The following RNF216 variants were observed in gnomAD, a reference collection of about 807,000 sequenced individuals.
RNF216 encodes E3 ubiquitin-protein ligase RNF216.
Under a neutral mutation model 110.8 loss-of-function variants are expected in RNF216, and 72 were observed. That is an observed-to-expected ratio of 0.65 (90% confidence interval 0.54 to 0.79). RNF216 has a LOEUF of 0.79. Among genes scored for constraint, RNF216 ranks in the 30% least tolerant of loss-of-function variants. The pLI is 0.00. For synonymous variants in RNF216, 495 were observed against 407.5 expected (o/e 1.21, Z -2.59); for missense variants, 1,342 against 1,141.2 (o/e 1.18, Z -2.54).
At chr7:5,727,597 T>C (rs1584522510) in intron 7 of RNF216, among the ~76,000 whole-genome samples, 1 of 152,124 alleles carries the variant, frequency 6.6e-6, no homozygotes, top group Non-Finnish European at 1.5e-5. Context: ...CCAGGTGTGG[T>C]GGCGTGCACC....
chr7:5,772,991 G>T (rs1016996848), intron 1 of RNF216, among the ~76,000 whole-genome samples: 4 of 152,030 alleles, frequency 2.6e-5, no homozygotes, highest in Non-Finnish European at 5.9e-5. Flanking sequence ...TGTTGGCCAG[G>T]CTAGTCTCGA....
In RNF216 at chr7:5,739,457, A is replaced by G. The variant is rs1794625443; in HGVS notation, c.1045-105T>C. ...GTATAATAAAATGACTAAAGACTAG[A>G]AAAGGGCTGTGAAGCAGGTCTGTGT... On this transcript the variant is annotated intron_variant, in intron 4 of 16. Coordinates refer to ENST00000389902, the MANE Select transcript of RNF216 (RefSeq NM_207111.4). 5 of 1,134,866 alleles carry G rather than the reference A, an allele frequency of 4.4e-6. 1 individual carries two copies. The highest frequency in any genetic ancestry group is 2.6e-5 in the South Asian group (2 of 77,084). 70.3% of individuals were successfully genotyped at this position (1,134,866 alleles called of 1,614,324 possible). A position where few individuals can be genotyped will look rare whatever the true frequency, so the allele number is the denominator to read the frequency against.
intron 13 of RNF216, among the ~76,000 whole-genome samples, chr7:5,671,990 G>C (rs892825949): frequency 6.6e-6 from 1 of 152,140 alleles, no homozygotes; most frequent in Non-Finnish European, 1.5e-5. Flanking sequence ...AAAACTGACA[G>C]CATATATAAG....
intron 15 of RNF216, among the ~76,000 whole-genome samples, chr7:5,637,548 T>C (rs989478983): frequency 1.3e-4 from 20 of 152,312 alleles, no homozygotes; most frequent in African/African-American, 4.6e-4. Flanking sequence ...GGATTATACA[T>C]TTCTTTCCCT....
intron 16 of RNF216, among the ~76,000 whole-genome samples, chr7:5,623,460 A>C (rs1430465163): frequency 6.7e-6 from 1 of 148,864 alleles, no homozygotes; most frequent in Non-Finnish European, 1.5e-5. Context: ...TCAGTGACTC[A>C]GTTACTTTTT....
At chr7:5,623,201 G>A in intron 16 of RNF216, 22 bp from the exon 17 acceptor site, 1 of 1,528,428 alleles carries the variant, frequency 6.5e-7, no homozygotes, top group East Asian at 2.3e-5. Flanking sequence ...GTGGGGATTA[G>A]TGGAGAAAAA....
At chr7:5,646,283 C>T (rs1053377933) in intron 14 of RNF216, among the ~76,000 whole-genome samples, 2 of 151,998 alleles carry the variant, frequency 1.3e-5, no homozygotes, top group African/African-American at 4.8e-5. Context: ...GCATGAGAAT[C>T]GCTTGGGCCC....
intron 9 of RNF216, among the ~76,000 whole-genome samples, chr7:5,718,098 G>T (rs972002733): frequency 6.6e-6 from 1 of 152,160 alleles, no homozygotes; most frequent in East Asian, 1.9e-4. Context: ...ACAAAGCAGG[G>T]GGCCAGGTGC....
At chr7:5,771,100 C>G (rs1397404112) in intron 1 of RNF216, among the ~76,000 whole-genome samples, 1 of 152,190 alleles carries the variant, frequency 6.6e-6, no homozygotes, top group Non-Finnish European at 1.5e-5. Flanking sequence ...GCCACCACAC[C>G]TGGCCCCAGA....
At chr7:5,774,018 TC>T (rs1796641570) in intron 1 of RNF216, among the ~76,000 whole-genome samples, 1 of 152,202 alleles carries the variant, frequency 6.6e-6, no homozygotes, top group Non-Finnish European at 1.5e-5. Flanking sequence ...TTCAAAAAAT[TC>T]CTCATGAGTG....
chr7:5,649,848 C>T (rs961748276), intron 14 of RNF216: 2 of 152,196 alleles, frequency 1.3e-5, no homozygotes, highest in Non-Finnish European at 1.5e-5. Context: ...GAACAAACAG[C>T]CCCTGGCAAC....
At chr7:5,655,153 ACCAGGGCAAAATGACCTGG>A (rs1184697545) in intron 13 of RNF216, among the ~76,000 whole-genome samples, 1 of 152,222 alleles carries the variant, frequency 6.6e-6, no homozygotes, top group African/African-American at 2.4e-5. Context: ...GCACAGGCCC[ACCAGGGCAAAATGACCTGG>A]CCAGGCTGGA....
intron 13 of RNF216, among the ~76,000 whole-genome samples, chr7:5,679,588 G>A (rs1562383438): frequency 6.6e-6 from 1 of 152,242 alleles, no homozygotes; most frequent in Non-Finnish European, 1.5e-5. Flanking sequence ...ATCACCAGAT[G>A]TGCAATTATT....
chr7:5,708,044 T>C (rs773538076), intron 13 of RNF216, among the ~76,000 whole-genome samples: 5 of 152,206 alleles, frequency 3.3e-5, no homozygotes, highest in East Asian at 1.9e-4. Context: ...TTAGTTCTCA[T>C]ACTTTGTGAA....
chr7:5,667,746 T>A (rs1416305010), intron 13 of RNF216, among the ~76,000 whole-genome samples: 2 of 152,240 alleles, frequency 1.3e-5, no homozygotes, highest in African/African-American at 4.8e-5. Context: ...ACTGTCAGCA[T>A]GCCCTGGAAG....
intron 1 of RNF216, among the ~76,000 whole-genome samples, chr7:5,771,223 G>C (rs1054853273): frequency 1.3e-5 from 2 of 152,088 alleles, no homozygotes; most frequent in Non-Finnish European, 2.9e-5. Flanking sequence ...TGGGAGTAGG[G>C]GGTAACAACC....
At chr7:5,721,300 T>A in intron 8 of RNF216, 128 bp from the exon 9 acceptor site, 1 of 819,018 alleles carries the variant, frequency 1.2e-6, no homozygotes, top group East Asian at 2.6e-5. Flanking sequence ...GACTTTTCTA[T>A]CACATTCTAC....
Position 5,736,325 on chromosome 7 carries a change from T to C in RNF216, c.1121+2951A>G, listed in dbSNP as rs559990819. Among the ~76,000 whole-genome samples the C allele has an allele frequency of 4.6e-5, 7 of 152,340 alleles. No individual in the cohort carries two copies. In the East Asian group the frequency reaches 5.8e-4, roughly 13 times the overall value. On this transcript the variant is annotated intron_variant, in intron 5 of 16. Transcript: ENST00000389902. The stretch of plus-strand genomic sequence containing the variant: ...TTGGTGGAGATGGGGTTTCGCTGTG[T>C]TGGCCGGGCTGGTCTCCAGCTCCTA...
intron 5 of RNF216, among the ~76,000 whole-genome samples, chr7:5,731,264 C>A (rs561781865): frequency 2.6e-5 from 4 of 152,186 alleles, no homozygotes; most frequent in Non-Finnish European, 4.4e-5. Flanking sequence ...ATATAAAAGA[C>A]CTTCTGTTAA....
Sources: allele counts gnomAD v4.1 joint callset (sites outside exome capture counted in the v4.1 genomes callset), GRCh38; gene constraint gnomAD v4.1.1; transcripts MANE v1.5; gene names NCBI Gene and HGNC (gene_info 2026-07-23, HGNC 2026-07-21).